TLCD4: variants seen among roughly 807,000 people sequenced by gnomAD.
TLCD4 encodes TLC domain containing 4, also known as TLC domain-containing protein 4.
A neutral mutation model predicts 24.2 loss-of-function variants in TLCD4; 7 were observed. The observed-to-expected ratio is 0.29, with a 90% CI of 0.16 to 0.54. TLCD4 has a LOEUF of 0.54. TLCD4 is among the 20% of genes least tolerant of loss of function. TLCD4 has a pLI of 0.95. For synonymous variants in TLCD4, 103 were observed against 106.4 expected (o/e 0.97, Z 0.20); for missense variants, 259 against 313.9 (o/e 0.82, Z 1.32).
intron 5 of TLCD4, among the ~76,000 whole-genome samples, chr1:95,158,509 T>G (rs1459343570): frequency 6.6e-6 from 1 of 151,826 alleles, no homozygotes; most frequent in Non-Finnish European, 1.5e-5. Context: ...ATTTATTTAT[T>G]TATTTATTTT....
intron 5 of TLCD4, chr1:95,163,505 C>T (rs1159124190): frequency 6.6e-6 from 1 of 152,214 alleles, no homozygotes; most frequent in African/African-American, 2.4e-5. Context: ...CTTCTCTCAA[C>T]TTGTCAAAGT....
intron 6 of TLCD4, among the ~76,000 whole-genome samples, chr1:95,187,655 G>T (rs879418513): frequency 2.6e-5 from 4 of 152,030 alleles, no homozygotes; most frequent in Non-Finnish European, 4.4e-5. Context: ...TGTTTGTCCG[G>T]TTTCTCCATT....
chr1:95,109,516 CT>C, the TLCD4 span, among the ~76,000 whole-genome samples: 1 of 137,128 alleles, frequency 7.3e-6, no homozygotes, highest in Non-Finnish European at 1.5e-5. Flanking sequence ...GAGATGGAAT[CT>C]TGCTCTGTTG....
chr1:95,110,154 G>A, the TLCD4 span, among the ~76,000 whole-genome samples: 3 of 150,292 alleles, frequency 2.0e-5, no homozygotes, highest in African/African-American at 7.3e-5. Flanking sequence ...TTGATTTATA[G>A]GTATAAAATC....
chr1:95,172,516 A>G (rs201603623), intron 5 of TLCD4, among the ~76,000 whole-genome samples: 69 of 152,220 alleles, frequency 4.5e-4, no homozygotes, highest in East Asian at 4.4e-3. Context: ...TGTGCATTCA[A>G]TGCTCCTCTT....
rs1255569206 is a variant in TLCD4, at chr1:95,191,766, T to C, written c.690T>C (p.Asn230=). ...VISCVVLDVM[N]VMWMIKISKG... ...GTTGTGTTGTTTTGGATGTGATGAA[T>C]GTCATGTGGATGATCAAAATTTCAA... The change falls in exon 7 of 7, where the codon AAT becomes AAC. Residue 230 remains asparagine (N), a synonymous_variant. Coordinates refer to ENST00000370203, the MANE Select transcript of TLCD4 (RefSeq NM_152487.3). 1 of 1,614,210 alleles carries C rather than the reference T, an allele frequency of 6.2e-7. No individual in the cohort carries two copies. The highest frequency in any genetic ancestry group is 1.7e-5 in the Admixed American group (1 of 60,030).
chr1:95,167,521 G>A (rs368371470), intron 5 of TLCD4, among the ~76,000 whole-genome samples: 45 of 152,146 alleles, frequency 3.0e-4, no homozygotes, highest in Middle Eastern at 3.4e-3. Flanking sequence ...GAACATGTGC[G>A]GGGTCCAGGG....
At chr1:95,100,223 C>T in the TLCD4 span, among the ~76,000 whole-genome samples, 158 of 152,208 alleles carry the variant, frequency 1.0e-3, no homozygotes, top group African/African-American at 3.5e-3. Context: ...TTAAGTAACA[C>T]ACTCAAAGTC....
the TLCD4 span, among the ~76,000 whole-genome samples, chr1:95,093,687 C>A: frequency 4.6e-5 from 7 of 152,166 alleles, no homozygotes; most frequent in Non-Finnish European, 1.0e-4. Context: ...ATTCAGAAAC[C>A]TATTACCTGC....
intron 5 of TLCD4, among the ~76,000 whole-genome samples, chr1:95,159,991 T>G (rs1677739940): frequency 6.6e-6 from 1 of 152,262 alleles, no homozygotes; most frequent in African/African-American, 2.4e-5. Flanking sequence ...CAATGCGGGC[T>G]CTTTTTTCAT....
Position 95,191,894 on chromosome 1 carries a change from C to A in TLCD4, c.*26C>A. On this transcript the variant is annotated 3_prime_UTR_variant, in exon 7 of 7. Coordinates refer to ENST00000370203, the MANE Select transcript of TLCD4 (RefSeq NM_152487.3). ...AAGAGTGCTACCGATAAGCAAACTT[C>A]ATTACTACCCAGCATATCTGCTGAT... 4 of 1,596,030 alleles carry A rather than the reference C, an allele frequency of 2.5e-6. No individual in the cohort carries two copies. Among genetic ancestry groups the A allele is most frequent in the Non-Finnish European group, 3.4e-6 (4 of 1,171,716 alleles).
At chr1:95,145,272 T>C (rs1342958449) in intron 2 of TLCD4, among the ~76,000 whole-genome samples, 1 of 152,216 alleles carries the variant, frequency 6.6e-6, no homozygotes, top group Non-Finnish European at 1.5e-5. Flanking sequence ...CTTTTAAAAT[T>C]CAAGAAATTC....
intron 2 of TLCD4, among the ~76,000 whole-genome samples, chr1:95,147,731 A>G (rs1677389752): frequency 6.6e-6 from 1 of 151,586 alleles, no homozygotes; most frequent in Non-Finnish European, 1.5e-5. Flanking sequence ...TAGAGAGAAA[A>G]CTTTGCTGTA....
chr1:95,175,331 C>T (rs1223148867), intron 6 of TLCD4, among the ~76,000 whole-genome samples: 2 of 152,138 alleles, frequency 1.3e-5, no homozygotes, highest in East Asian at 1.9e-4. Context: ...ACTATAATGT[C>T]CTTGAAATGC....
intron 6 of TLCD4, among the ~76,000 whole-genome samples, chr1:95,183,187 G>A (rs948031200): frequency 4.6e-5 from 7 of 152,142 alleles, no homozygotes; most frequent in South Asian, 4.1e-4. Context: ...TATTAGTTCC[G>A]AAAGTAAATA....
At chr1:95,162,073 T>C (rs1677829812) in intron 5 of TLCD4, among the ~76,000 whole-genome samples, 1 of 152,178 alleles carries the variant, frequency 6.6e-6, no homozygotes, top group Non-Finnish European at 1.5e-5. Flanking sequence ...TTCTGTCTCG[T>C]TGATCTGTCT....
Position 95,191,633 on chromosome 1 carries a change from T to C in TLCD4, c.557T>C (p.Ile186Thr), listed in dbSNP as rs756188958. The C allele has an allele frequency of 3.1e-6, 5 of 1,614,222 alleles. No homozygotes were observed. The East Asian group carries it at 1.1e-4, about 36-fold the overall frequency. The change falls in exon 7 of 7, where the codon ATC becomes ACC. Residue 186 changes from isoleucine (I) to threonine (T), a missense_variant. Ile to Thr is a moderately conservative substitution (Grantham distance 89, BLOSUM62 -1). Transcript: ENST00000370203. The stretch of plus-strand genomic sequence containing the variant: ...ATACTCATGACAGTAGTATTCTTCA[T>C]CGTGCGGATTGCCTCAATGCTTCCT... ...NGILMTVVFFIVRIASMLPHY... is the reference protein window; with the variant it reads ...NGILMTVVFFTVRIASMLPHY...
At chr1:95,182,675 T>C (rs1242834781) in intron 6 of TLCD4, among the ~76,000 whole-genome samples, 1 of 152,160 alleles carries the variant, frequency 6.6e-6, no homozygotes, top group Non-Finnish European at 1.5e-5. Context: ...AGGCAAATAA[T>C]GTTTTAATAC....
At chr1:95,128,009 C>G (rs1023740268) in intron 1 of TLCD4, among the ~76,000 whole-genome samples, 14 of 152,132 alleles carry the variant, frequency 9.2e-5, no homozygotes, top group Non-Finnish European at 2.1e-4. Flanking sequence ...GAGGCTGAGG[C>G]AAGAGAATTG....
Sources: allele counts gnomAD v4.1 joint callset (sites outside exome capture counted in the v4.1 genomes callset), GRCh38; gene constraint gnomAD v4.1.1; transcripts MANE v1.5; gene names NCBI Gene and HGNC (gene_info 2026-07-23, HGNC 2026-07-21).